PLEKHG7: variants seen among roughly 807,000 people sequenced by gnomAD.
PLEKHG7 encodes pleckstrin homology and RhoGEF domain containing G7, also known as pleckstrin homology domain-containing family G member 7.
Under a neutral mutation model 85.2 loss-of-function variants are expected in PLEKHG7, and 77 were observed. The observed-to-expected ratio is 0.90, with a 90% CI of 0.75 to 1.09. The LOEUF (loss-of-function observed/expected upper bound fraction) is 1.09. Ranked by LOEUF, PLEKHG7 falls within the 50% of genes least tolerant of loss-of-function variation. The pLI is 0.00. For synonymous variants in PLEKHG7, 301 were observed against 302.4 expected, an observed-to-expected ratio of 1.00 and a Z score of 0.05; for missense variants, 777 against 804.3, an observed-to-expected ratio of 0.97 and a Z score of 0.41.
intron 5 of PLEKHG7, among the ~76,000 whole-genome samples, chr12:92,733,743 G>A (rs143851111): frequency 1.3e-5 from 2 of 152,206 alleles, no homozygotes; most frequent in Non-Finnish European, 2.9e-5. Context: ...GATAGAATAT[G>A]CTTTCAGAAG....
In PLEKHG7 at chr12:92,754,265, G is replaced by A. The variant is rs756503356; in HGVS notation, c.1426+1G>A. On this transcript the variant is annotated splice_donor_variant, in intron 11 of 16. Transcript: ENST00000344636. LOFTEE classifies it high-confidence loss of function. ...AAGGAAAAGGTGGAAAAGTCCATCCGTAAGTCCCTGAGATAAGTGAGCTTA... is the reference window on the plus strand; with the variant it reads ...AAGGAAAAGGTGGAAAAGTCCATCCATAAGTCCCTGAGATAAGTGAGCTTA... 33 of 1,613,064 alleles carry A rather than the reference G, an allele frequency of 2.0e-5. No homozygotes were observed. The highest frequency in any genetic ancestry group is 2.7e-5 in the African/African-American group (2 of 74,904).
intron 10 of PLEKHG7, among the ~76,000 whole-genome samples, chr12:92,753,645 G>A (rs758081277): frequency 2.6e-5 from 4 of 151,766 alleles, no homozygotes; most frequent in African/African-American, 4.8e-5. Context: ...CTTCATTTTC[G>A]ATCATTACCC....
chr12:92,761,646 GAAAGAAAGAAAGAAAGAAAGA>G, intron 13 of PLEKHG7, 85 bp from the exon 14 acceptor site: 1 of 1,044,896 alleles, frequency 9.6e-7, no homozygotes, highest in African/African-American at 1.8e-5. Flanking sequence ...AAGAAAGAAA[GAAAGAAAGAAAGAAAGAAAGA>G]AAGAAAGAAA....
At chr12:92,709,429 G>A (rs1298184417) in intron 3 of PLEKHG7, among the ~76,000 whole-genome samples, 1 of 149,750 alleles carries the variant, frequency 6.7e-6, no homozygotes, top group Non-Finnish European at 1.5e-5. Flanking sequence ...TAGAGTGTAG[G>A]TCTTGTGTTC....
intron 3 of PLEKHG7, among the ~76,000 whole-genome samples, chr12:92,710,231 A>G (rs1051065467): frequency 1.6e-4 from 24 of 152,212 alleles, no homozygotes; most frequent in African/African-American, 5.8e-4. Context: ...GATTCAGAGC[A>G]TTACATGGCC....
rs138513367 is a variant in PLEKHG7 at position 92,752,973 on chromosome 12, A to G, written c.1252-1117A>G. On this transcript the variant is annotated intron_variant, in intron 10 of 16. Transcript: ENST00000344636. Reference sequence around the variant, plus strand: ...CCCCTTTTATAGGGACACTAATCCCATTCAAGAGGGCTCCATGCTCATGGC... The same window carrying G: ...CCCCTTTTATAGGGACACTAATCCCGTTCAAGAGGGCTCCATGCTCATGGC... Among the ~76,000 whole-genome samples the G allele has an allele frequency of 8.3e-3, 1,259 of 152,284 alleles. 18 individuals carry two copies. The highest frequency in any genetic ancestry group is 0.028 in the African/African-American group (1,145 of 41,556).
intron 5 of PLEKHG7, among the ~76,000 whole-genome samples, chr12:92,732,955 T>C (rs1872034675): frequency 6.6e-6 from 1 of 152,144 alleles, no homozygotes; most frequent in Admixed American, 6.5e-5. Context: ...GTTGCATTAC[T>C]TACACACCAC....
chr12:92,720,122 T>G (rs1871596472), intron 3 of PLEKHG7, among the ~76,000 whole-genome samples: 2 of 152,152 alleles, frequency 1.3e-5, no homozygotes, highest in Admixed American at 1.3e-4. Context: ...AAACAGAAAT[T>G]TATCCTCTTT....
chr12:92,727,987 C>T (rs1326898406), intron 3 of PLEKHG7, among the ~76,000 whole-genome samples: 3 of 142,776 alleles, frequency 2.1e-5, no homozygotes, highest in African/African-American at 5.2e-5. Flanking sequence ...CACATATATA[C>T]ACACACCACA....
In PLEKHG7 at chr12:92,761,622, AGAAGAAAGAAAGAAAGAAAGAAAG is replaced by A. The variant is rs1258100498; in HGVS notation, c.1637-129_1637-106del. The A allele has an allele frequency of 1.5e-5, 13 of 885,926 alleles. No homozygotes were observed. The East Asian group carries it at 1.9e-4, about 13-fold the overall frequency. The allele number at this position is 885,926 out of a possible 1,614,324, so 54.9% of individuals were successfully genotyped here. On this transcript the variant is annotated intron_variant, in intron 13 of 16. Transcript: ENST00000344636. ...GAAAGAAAGAAAAAGAAAGAAAGAA[AGAAGAAAGAAAGAAAGAAAGAAAG>A]AAAGAAAGAAAGAAAGAAAGAAAGA...
At chr12:92,765,508 G>T (rs560530443) in intron 15 of PLEKHG7, among the ~76,000 whole-genome samples, 63 of 151,546 alleles carry the variant, frequency 4.2e-4, no homozygotes, top group African/African-American at 1.5e-3. Context: ...GCACACCTGT[G>T]ACCCCAGCTA....
At chr12:92,756,493 T>A (rs1872837161) in intron 13 of PLEKHG7, 102 bp downstream of exon 13, 5 of 901,998 alleles carry the variant, frequency 5.5e-6, no homozygotes, top group Admixed American at 1.8e-5. Context: ...TTGCCTATGT[T>A]CCAGGTGATG....
rs1009837970 is a variant in PLEKHG7 at position 92,750,229 on chromosome 12, C to A, written c.1252-3861C>A. Among the ~76,000 whole-genome samples, 5 of 151,834 alleles carry A rather than the reference C, an allele frequency of 3.3e-5. No individual in the cohort carries two copies. The East Asian group carries it at 9.6e-4, about 29-fold the overall frequency. ...TAAAGCAAAAGTAGCCTCTATTGATCTAGACTTATCAATAAAAAGGCCTTT... is the reference window on the plus strand; with the variant it reads ...TAAAGCAAAAGTAGCCTCTATTGATATAGACTTATCAATAAAAAGGCCTTT... On this transcript the variant is annotated intron_variant, in intron 10 of 16. Transcript: ENST00000344636.
rs1873291247 is a variant in PLEKHG7, at chr12:92,768,619, ATTGTT to A, written c.1871-359_1871-355del. 2.0e-5 allele frequency among the ~76,000 whole-genome samples: 3 copies of A among 152,250 alleles called. No individual in the cohort carries two copies. In the South Asian group the frequency reaches 6.2e-4, roughly 32 times the overall value. The stretch of plus-strand genomic sequence containing the variant: ...TGAAGAACAAAGAAGAAAATATTAT[ATTGTT>A]TTGTATATTTTTATTATCTATATTT... On this transcript the variant is annotated intron_variant, in intron 15 of 16. Transcript: ENST00000344636.
intron 16 of PLEKHG7, 45 bp downstream of exon 16, chr12:92,769,125 A>T: frequency 7.3e-7 from 1 of 1,375,058 alleles, no homozygotes; most frequent in Non-Finnish European, 1.0e-6. Flanking sequence ...CAGAGTTTAC[A>T]TAAGCTCCCC....
chr12:92,738,514 C>T (rs1238600715), intron 7 of PLEKHG7, among the ~76,000 whole-genome samples: 1 of 152,186 alleles, frequency 6.6e-6, no homozygotes, highest in East Asian at 1.9e-4. Flanking sequence ...TGCAGAGGTG[C>T]AGACAGTAAA....
intron 9 of PLEKHG7, 136 bp downstream of exon 9, chr12:92,741,728 TTCTC>T (rs1425721855): frequency 2.7e-5 from 13 of 488,846 alleles, no homozygotes; most frequent in Non-Finnish European, 4.2e-5. Context: ...AACTGTCCCT[TTCTC>T]TGCCAGTCAA....
intron 13 of PLEKHG7, among the ~76,000 whole-genome samples, chr12:92,758,373 ACTGTT>A (rs1282497398): frequency 1.3e-5 from 2 of 152,238 alleles, no homozygotes; most frequent in African/African-American, 4.8e-5. Flanking sequence ...AGTATCAAAA[ACTGTT>A]CTAATCTATG....
chr12:92,715,716 C>CAAAAAAAAAAAAAAAAAAAAAA (rs11331072), intron 3 of PLEKHG7, among the ~76,000 whole-genome samples: 2 of 87,458 alleles, frequency 2.3e-5, no homozygotes, highest in Non-Finnish European at 4.2e-5. Flanking sequence ...GTTCTTGCCT[C>CAAAAAAAAAAAAAAAAAAAAAA]AAAAAAAAAA....
Sources: gnomAD v4.1 joint callset for allele counts (sites outside exome capture counted in the v4.1 genomes callset) on GRCh38, gnomAD v4.1.1 for gene constraint, MANE v1.5 for transcripts, NCBI Gene and HGNC (gene_info 2026-07-23, HGNC 2026-07-21) for gene names.